PCSK6: variants seen among roughly 807,000 people sequenced by gnomAD.
PCSK6 encodes the protein paired basic amino acid cleaving enzyme 4.
PCSK6 carries 85 observed loss-of-function variants against 123.3 expected under a neutral mutation model. The observed-to-expected ratio is 0.69, with a 90% confidence interval of 0.58 to 0.83. The LOEUF is 0.83. Ranked by LOEUF, PCSK6 falls within the 40% of genes least tolerant of loss-of-function variation. PCSK6 has a pLI of 0.00. For missense variants in PCSK6, 1,191 were observed against 1,282.3 expected, an observed-to-expected ratio of 0.93 and a Z score of 1.09; for synonymous variants, 508 against 516.0, an observed-to-expected ratio of 0.98 and a Z score of 0.21.
intron 19 of PCSK6, among the ~76,000 whole-genome samples, chr15:101,315,025 G>A (rs531971943): frequency 5.3e-5 from 8 of 152,264 alleles, no homozygotes; most frequent in African/African-American, 7.2e-5. Context: ...TACCTCTCAC[G>A]CCTCACCTGC....
intron 1 of PCSK6, among the ~76,000 whole-genome samples, chr15:101,477,339 C>T (rs1196966184): frequency 1.3e-5 from 2 of 152,066 alleles, no homozygotes; most frequent in African/African-American, 4.8e-5. Context: ...CTCCAAAATC[C>T]AACAGGACAC....
At chr15:101,306,697 C>G (rs1316287660) in intron 21 of PCSK6, among the ~76,000 whole-genome samples, 1 of 152,202 alleles carries the variant, frequency 6.6e-6, no homozygotes, top group Non-Finnish European at 1.5e-5. Flanking sequence ...TTGTCCTTGT[C>G]CCCCATCCTA....
intron 1 of PCSK6, among the ~76,000 whole-genome samples, chr15:101,446,236 G>A (rs2056886515): frequency 6.6e-6 from 1 of 152,254 alleles, no homozygotes. Flanking sequence ...TGCAGAAGAA[G>A]CTGGAATCAC....
chr15:101,431,284 A>G (rs1335410326), intron 4 of PCSK6, 36 bp downstream of exon 4: 1 of 1,609,866 alleles, frequency 6.2e-7, no homozygotes, highest in Admixed American at 1.7e-5. Context: ...AGCACAGTTG[A>G]ATATATTTGC....
chr15:101,314,932 G>A (rs1567137554), intron 19 of PCSK6, among the ~76,000 whole-genome samples: 1 of 152,166 alleles, frequency 6.6e-6, no homozygotes, highest in Non-Finnish European at 1.5e-5. Context: ...CTGGTCTCTG[G>A]GAGCATCTGG....
intron 13 of PCSK6, among the ~76,000 whole-genome samples, chr15:101,353,930 C>T (rs571632111): frequency 2.5e-4 from 38 of 152,296 alleles, no homozygotes; most frequent in African/African-American, 8.9e-4. Context: ...TAAACACTCA[C>T]AATAAGAGAA....
intron 1 of PCSK6, among the ~76,000 whole-genome samples, chr15:101,484,564 T>A (rs78076217): frequency 1.3e-5 from 2 of 151,992 alleles, no homozygotes; most frequent in Non-Finnish European, 2.9e-5. Flanking sequence ...AATTTTCATA[T>A]TTTTTTAGTA....
intron 1 of PCSK6, among the ~76,000 whole-genome samples, chr15:101,454,609 G>A (rs1026056087): frequency 1.3e-5 from 2 of 152,202 alleles, no homozygotes; most frequent in Non-Finnish European, 2.9e-5. Flanking sequence ...GCCAGGGGCT[G>A]TGGGGGAGGG....
At chr15:101,423,379 G>A (rs2056148937) in intron 6 of PCSK6, among the ~76,000 whole-genome samples, 1 of 151,522 alleles carries the variant, frequency 6.6e-6, no homozygotes, top group Non-Finnish European at 1.5e-5. Flanking sequence ...TCTTGCCTCA[G>A]CCTCCTGAGT....
chr15:101,358,553 T>C (rs963422851), intron 13 of PCSK6, among the ~76,000 whole-genome samples: 1 of 152,348 alleles, frequency 6.6e-6, no homozygotes, highest in East Asian at 1.9e-4. Flanking sequence ...AGCCTCTCTG[T>C]GCCCGAGCAC....
intron 1 of PCSK6, among the ~76,000 whole-genome samples, chr15:101,450,211 C>G (rs1011920679): frequency 6.6e-6 from 1 of 151,880 alleles, no homozygotes; most frequent in East Asian, 1.9e-4. Context: ...TTAGTCTCTC[C>G]CGTACCACCG....
chr15:101,355,744 C>T (rs1199562727), intron 13 of PCSK6, among the ~76,000 whole-genome samples: 1 of 152,258 alleles, frequency 6.6e-6, no homozygotes, highest in Non-Finnish European at 1.5e-5. Flanking sequence ...GGCCCCAGGT[C>T]ATGAGGAGGT....
chr15:101,459,911 T>C (rs895988960), intron 1 of PCSK6, among the ~76,000 whole-genome samples: 2 of 152,144 alleles, frequency 1.3e-5, no homozygotes, highest in African/African-American at 4.8e-5. Flanking sequence ...CTTCTGATGT[T>C]ATAAAATGAG....
At chr15:101,422,502 C>T (rs1051865157) in intron 6 of PCSK6, among the ~76,000 whole-genome samples, 4 of 152,082 alleles carry the variant, frequency 2.6e-5, no homozygotes, top group African/African-American at 7.2e-5. Context: ...GAGTAAAGAC[C>T]ATATGCTAGG....
chr15:101,378,853 G>T (rs1304806607), intron 11 of PCSK6, among the ~76,000 whole-genome samples: 1 of 152,250 alleles, frequency 6.6e-6, no homozygotes, highest in Non-Finnish European at 1.5e-5. Context: ...TCACACCATG[G>T]ATGGCCTTTT....
intron 13 of PCSK6, among the ~76,000 whole-genome samples, chr15:101,362,948 A>G (rs7167668): frequency 0.13 from 20,033 of 152,172 alleles, 3,196 homozygotes; most frequent in African/African-American, 0.36. Flanking sequence ...GGCTTGGGCA[A>G]TGTGGAAACG....
intron 6 of PCSK6, among the ~76,000 whole-genome samples, chr15:101,402,929 C>A (rs2042636607): frequency 6.6e-6 from 1 of 151,978 alleles, no homozygotes; most frequent in Non-Finnish European, 1.5e-5. Context: ...GGGTATATAC[C>A]CAAAGGACTA....
At chr15:101,481,281 G>C (rs1309029520) in intron 1 of PCSK6, among the ~76,000 whole-genome samples, 1 of 152,008 alleles carries the variant, frequency 6.6e-6, no homozygotes, top group Non-Finnish European at 1.5e-5. Context: ...TGATGGAACT[G>C]ACAGTGCAGC....
intron 13 of PCSK6, among the ~76,000 whole-genome samples, chr15:101,344,327 T>C (rs1298606373): frequency 6.6e-6 from 1 of 152,224 alleles, no homozygotes; most frequent in Non-Finnish European, 1.5e-5. Flanking sequence ...GTGTTATAAA[T>C]TGCATAAAAG....
Sources: gnomAD v4.1 joint callset for allele counts (sites outside exome capture counted in the v4.1 genomes callset) on GRCh38, gnomAD v4.1.1 for gene constraint, MANE v1.5 for transcripts, NCBI Gene and HGNC (gene_info 2026-07-23, HGNC 2026-07-21) for gene names.